Variants in FSTL4 observed in about 807,000 individuals in gnomAD.
FSTL4 encodes follistatin-related protein 4.
Under a neutral mutation model 78.2 loss-of-function variants are expected in FSTL4, and 28 were observed. The ratio of observed to expected loss-of-function variants is 0.36; its 90% CI spans 0.27 to 0.49. The LOEUF (loss-of-function observed/expected upper bound fraction) is 0.49. Among genes scored for constraint, FSTL4 ranks in the 20% least tolerant of loss-of-function variants. The pLI, the probability that FSTL4 is intolerant of heterozygous loss-of-function variation, is 0.98. For missense variants in FSTL4, 922 were observed against 1,084.9 expected (o/e 0.85, Z 2.11); for synonymous variants, 422 against 440.5 (o/e 0.96, Z 0.53).
chr5:133,271,438 C>G (rs894849098), intron 6 of FSTL4, among the ~76,000 whole-genome samples: 1 of 152,154 alleles, frequency 6.6e-6, no homozygotes, highest in African/African-American at 2.4e-5. Context: ...AGATTCTCAG[C>G]CCAGCCGAGG....
the FSTL4 span, among the ~76,000 whole-genome samples, chr5:133,664,310 CT>C: frequency 3.4e-5 from 5 of 146,862 alleles, no homozygotes; most frequent in Admixed American, 6.8e-5. Flanking sequence ...CCTGCTGATT[CT>C]TTTTTTTTTA....
At chr5:133,790,123 G>T in the FSTL4 span, among the ~76,000 whole-genome samples, 2 of 152,094 alleles carry the variant, frequency 1.3e-5, no homozygotes, top group Non-Finnish European at 2.9e-5. Context: ...CCAAGCCACA[G>T]CTCAGAGTCC....
intron 3 of FSTL4, among the ~76,000 whole-genome samples, chr5:133,541,859 G>T (rs1425470097): frequency 6.6e-6 from 1 of 151,912 alleles, no homozygotes; most frequent in Non-Finnish European, 1.5e-5. Context: ...GCTGCTAGGG[G>T]TGTACATTGC....
the FSTL4 span, among the ~76,000 whole-genome samples, chr5:133,809,519 A>G: frequency 2.6e-5 from 4 of 152,142 alleles, no homozygotes; most frequent in African/African-American, 9.6e-5. Context: ...CCCCACTTTC[A>G]GTAGAATTGG....
At chr5:133,485,853 T>A (rs1484515905) in intron 3 of FSTL4, among the ~76,000 whole-genome samples, 1 of 152,262 alleles carries the variant, frequency 6.6e-6, no homozygotes, top group Non-Finnish European at 1.5e-5. Context: ...GTTTTGTTCC[T>A]GATCCACAGT....
chr5:133,340,154 T>C (rs1754550945), intron 4 of FSTL4, among the ~76,000 whole-genome samples: 1 of 152,208 alleles, frequency 6.6e-6, no homozygotes, highest in Admixed American at 6.5e-5. Flanking sequence ...CTGGGCCTCA[T>C]TTCCTCATCT....
chr5:133,333,069 C>G (rs1392209416), intron 4 of FSTL4, among the ~76,000 whole-genome samples: 1 of 152,190 alleles, frequency 6.6e-6, no homozygotes, highest in East Asian at 1.9e-4. Flanking sequence ...CTCACACTCT[C>G]ACACACAGCT....
chr5:133,220,908 G>T (rs553294954), intron 11 of FSTL4, 42 bp from the exon 12 acceptor site: 1 of 1,175,048 alleles, frequency 8.5e-7, no homozygotes, highest in South Asian at 1.2e-5. Context: ...CCAAGCAGTC[G>T]GCCCCTGGGC....
At chr5:133,657,773 TTG>T in the FSTL4 span, among the ~76,000 whole-genome samples, 167 of 109,626 alleles carry the variant, frequency 1.5e-3, no homozygotes, top group African/African-American at 6.5e-3. Context: ...TTTGTTTTTT[TTG>T]TTTTTTTTTT....
At chr5:133,792,400 T>C in the FSTL4 span, among the ~76,000 whole-genome samples, 1 of 152,216 alleles carries the variant, frequency 6.6e-6, no homozygotes, top group East Asian at 1.9e-4. Flanking sequence ...TGCTCAAAGA[T>C]GGAATAATAC....
At chr5:133,732,983 G>A in the FSTL4 span, among the ~76,000 whole-genome samples, 23 of 152,310 alleles carry the variant, frequency 1.5e-4, no homozygotes, top group Middle Eastern at 0.01. Flanking sequence ...GCTCAAGTCC[G>A]TAATTGCATT....
the FSTL4 span, among the ~76,000 whole-genome samples, chr5:133,673,569 T>C: frequency 1.3e-5 from 2 of 152,362 alleles, no homozygotes; most frequent in Admixed American, 6.5e-5. Context: ...CATCTCACGA[T>C]GCCTGCCAAC....
the FSTL4 span, among the ~76,000 whole-genome samples, chr5:133,671,209 A>G: frequency 6.6e-6 from 1 of 152,170 alleles, no homozygotes; most frequent in African/African-American, 2.4e-5. Context: ...CTGATAACCC[A>G]GGAATGAGAC....
At chr5:133,363,894 C>T (rs890107862) in intron 4 of FSTL4, among the ~76,000 whole-genome samples, 1 of 152,208 alleles carries the variant, frequency 6.6e-6, no homozygotes, top group African/African-American at 2.4e-5. Context: ...TGGCCTCACA[C>T]TGAGCTAACT....
intron 6 of FSTL4, among the ~76,000 whole-genome samples, chr5:133,300,908 C>A (rs1341659748): frequency 2.0e-5 from 3 of 152,134 alleles, no homozygotes; most frequent in South Asian, 2.1e-4. Flanking sequence ...CCCGCTTTCT[C>A]TGTGGAGCCG....
At chr5:133,485,902 A>T (rs1758123176) in intron 3 of FSTL4, among the ~76,000 whole-genome samples, 1 of 152,220 alleles carries the variant, frequency 6.6e-6, no homozygotes, top group Non-Finnish European at 1.5e-5. Flanking sequence ...CTTCTTCCAG[A>T]AAACAAACTC....
intron 4 of FSTL4, among the ~76,000 whole-genome samples, chr5:133,377,235 A>G (rs1031272678): frequency 3.9e-5 from 6 of 152,182 alleles, no homozygotes; most frequent in Admixed American, 2.0e-4. Flanking sequence ...GGGCAGTAAC[A>G]CTGGGACCCG....
the FSTL4 span, among the ~76,000 whole-genome samples, chr5:133,669,682 C>A: frequency 6.6e-6 from 1 of 152,176 alleles, no homozygotes; most frequent in African/African-American, 2.4e-5. Flanking sequence ...CACACACCAA[C>A]TGAGAACCAA....
intron 6 of FSTL4, among the ~76,000 whole-genome samples, chr5:133,279,068 G>C (rs936408560): frequency 1.3e-5 from 2 of 152,238 alleles, no homozygotes; most frequent in Non-Finnish European, 2.9e-5. Context: ...TGAAGCTGGG[G>C]GTTCGTGCAA....
Sources: gnomAD v4.1 joint callset for allele counts (sites outside exome capture counted in the v4.1 genomes callset) on GRCh38, gnomAD v4.1.1 for gene constraint, MANE v1.5 for transcripts, NCBI Gene and HGNC (gene_info 2026-07-23, HGNC 2026-07-21) for gene names.